The following CTPS2 variants were observed in gnomAD, a reference collection of about 807,000 sequenced individuals.
CTPS2 encodes CTP synthase 2.
A neutral mutation model predicts 46.8 loss-of-function variants in CTPS2; 19 were observed. The observed-to-expected ratio is 0.41, with a 90% CI of 0.28 to 0.60. The LOEUF (loss-of-function observed/expected upper bound fraction) is 0.60. Among genes scored for constraint, CTPS2 ranks in the 20% least tolerant of loss-of-function variants. The pLI is 0.35. For missense variants in CTPS2, 286 were observed against 447.6 expected, an observed-to-expected ratio of 0.64 and a Z score of 3.26; for synonymous variants, 151 against 165.2, an observed-to-expected ratio of 0.91 and a Z score of 0.66.
At chrX:16,698,797 G>T in intron 3 of CTPS2, 126 bp downstream of exon 3, 1 of 559,294 alleles carries the variant, frequency 1.8e-6, no homozygotes, top group African/African-American at 2.4e-5. Flanking sequence ...GTGATCCACT[G>T]GCCTCAGCCT....
At chrX:16,684,184 T>A (rs1448736712) in intron 8 of CTPS2, among the ~76,000 whole-genome samples, 2 of 111,224 alleles carry the variant, frequency 1.8e-5, no homozygotes, top group Non-Finnish European at 3.8e-5. Context: ...AATGTTACCA[T>A]GATGACGAAT....
At chrX:16,682,691 G>T (rs752046326) in intron 9 of CTPS2, among the ~76,000 whole-genome samples, 1 of 111,586 alleles carries the variant, frequency 9.0e-6, no homozygotes, top group South Asian at 3.7e-4. Flanking sequence ...CCTTCTGGGA[G>T]GCTGGCATTT....
At chrX:16,649,341 T>C (rs1240744623) in intron 13 of CTPS2, among the ~76,000 whole-genome samples, 1 of 112,689 alleles carries the variant, frequency 8.9e-6, no homozygotes, top group Admixed American at 9.4e-5. Flanking sequence ...GAGTATCTTC[T>C]TTCCACTTCT....
At chrX:16,709,277 A>T (rs1925264556) in intron 1 of CTPS2, among the ~76,000 whole-genome samples, 4 of 109,431 alleles carry the variant, frequency 3.7e-5, no homozygotes, top group African/African-American at 1.0e-4. Context: ...AAATACAAAA[A>T]ATCAGCCAGG....
At chrX:16,606,469 G>C (rs1397499334) in intron 17 of CTPS2, among the ~76,000 whole-genome samples, 1 of 111,826 alleles carries the variant, frequency 8.9e-6, no homozygotes, top group African/African-American at 3.3e-5. Context: ...AATGTGTCAA[G>C]ATTTGACTCC....
intron 13 of CTPS2, among the ~76,000 whole-genome samples, chrX:16,650,419 T>C (rs1287783720): frequency 9.0e-6 from 1 of 110,788 alleles, no homozygotes; most frequent in African/African-American, 3.3e-5. Flanking sequence ...GTGTAGAATG[T>C]CATTAATTAC....
intron 17 of CTPS2, among the ~76,000 whole-genome samples, chrX:16,592,770 C>A (rs910745093): frequency 8.9e-6 from 1 of 112,121 alleles, no homozygotes; most frequent in African/African-American, 3.2e-5. Context: ...CCAACATTCT[C>A]ATAGGTCCAA....
intron 17 of CTPS2, among the ~76,000 whole-genome samples, chrX:16,591,773 G>A (rs183301675): frequency 2.9e-4 from 32 of 111,071 alleles, no homozygotes; most frequent in African/African-American, 9.2e-4. Flanking sequence ...TCTCCAAGCA[G>A]GTCAAAAGGC....
At chrX:16,605,312 C>T (rs73448238) in intron 17 of CTPS2, among the ~76,000 whole-genome samples, 2,846 of 111,828 alleles carry the variant, frequency 0.025, 99 homozygotes, top group African/African-American at 0.087. Flanking sequence ...GCGAACTCGA[C>T]GTGACTTATC....
chrX:16,595,365 G>A (rs1159191177), intron 17 of CTPS2, among the ~76,000 whole-genome samples: 1 of 111,368 alleles, frequency 9.0e-6, no homozygotes, highest in African/African-American at 3.3e-5. Context: ...AGGCTGGAGT[G>A]CAGTGATTTG....
At position 16,690,910 on chromosome X, in the gene CTPS2, T is replaced by C. The variant is rs181605424; in HGVS notation, c.720+630A>G. On this transcript the variant is annotated intron_variant, in intron 7 of 18. Coordinates refer to ENST00000359276, the MANE Select transcript of CTPS2 (RefSeq NM_175859.3). ...TTGGGGTGACTTAAGCTGCCACAGG[T>C]AGAGAGGAGAAATGAGTGAAAGCAG... 3.6e-5 allele frequency among the ~76,000 whole-genome samples: 4 copies of C among 111,763 alleles called. No homozygotes were observed. The East Asian group carries it at 1.1e-3, about 32-fold the overall frequency.
intron 14 of CTPS2, among the ~76,000 whole-genome samples, chrX:16,634,590 G>T (rs1432294945): frequency 8.9e-6 from 1 of 112,234 alleles, no homozygotes; most frequent in Non-Finnish European, 1.9e-5. Context: ...TGAATTCATA[G>T]TTTTCATAAC....
Position 16,691,520 on chromosome X carries a change from A to C in CTPS2, c.720+20T>G. On this transcript the variant is annotated intron_variant, in intron 7 of 18. Coordinates refer to ENST00000359276, the MANE Select transcript of CTPS2 (RefSeq NM_175859.3). ...GCAGAAGTGCCTGCCAGACAATAAA[A>C]TCTAAAGAGCAGCACCAACCTGTTC... is the stretch of plus-strand genomic sequence containing the variant. The C allele has an allele frequency of 8.5e-7, 1 of 1,182,796 alleles. No individual in the cohort carries two copies. Among genetic ancestry groups the C allele is most frequent in the Non-Finnish European group, 1.2e-6 (1 of 869,400 alleles).
intron 13 of CTPS2, among the ~76,000 whole-genome samples, chrX:16,662,902 C>T (rs1161171200): frequency 1.8e-5 from 2 of 111,365 alleles, no homozygotes; most frequent in African/African-American, 3.3e-5. Context: ...TTCTAGGAAT[C>T]TATCCCTGCA....
chrX:16,650,512 T>C lies in CTPS2; in HGVS notation c.1297-11269A>G, dbSNP rs1479022643. Among the ~76,000 whole-genome samples the C allele has an allele frequency of 4.3e-5, 3 of 70,293 alleles. No individual in the cohort carries two copies. The East Asian group carries it at 1.2e-3, about 29-fold the overall frequency. The allele number at this position is 70,293 out of a possible 115,157, so 61.0% of individuals were successfully genotyped here. ...CATTTAACATACTATCTAAGATGTCTTTTTTTTTTTTTTTTTTTTTTTGCA... is the reference window on the plus strand; with the variant it reads ...CATTTAACATACTATCTAAGATGTCCTTTTTTTTTTTTTTTTTTTTTTGCA... On this transcript the variant is annotated intron_variant, in intron 13 of 18. Coordinates refer to ENST00000359276, the MANE Select transcript of CTPS2 (RefSeq NM_175859.3).
chrX:16,684,990 C>T (rs1376289984), intron 8 of CTPS2, among the ~76,000 whole-genome samples: 2 of 111,118 alleles, frequency 1.8e-5, no homozygotes, highest in Non-Finnish European at 3.8e-5. Context: ...ACTCAGGAGA[C>T]TGAGGAAGGA....
intron 13 of CTPS2, among the ~76,000 whole-genome samples, chrX:16,653,122 A>T (rs1932727145): frequency 9.0e-6 from 1 of 110,592 alleles, no homozygotes; most frequent in South Asian, 3.8e-4. Context: ...ATATATATAT[A>T]ATATAGTCTA....
At chrX:16,597,021 G>A (rs763130386) in intron 17 of CTPS2, among the ~76,000 whole-genome samples, 22 of 107,478 alleles carry the variant, frequency 2.0e-4, no homozygotes, top group Non-Finnish European at 4.0e-4. Flanking sequence ...CATGTCCTTC[G>A]CCCACTTTTT....
At chrX:16,595,162 T>TACAC (rs10643985) in intron 17 of CTPS2, among the ~76,000 whole-genome samples, 21,365 of 102,508 alleles carry the variant, frequency 0.21, 1,853 homozygotes, top group Middle Eastern at 0.26. Flanking sequence ...AGCAATCTTT[T>TACAC]ACACACACAC....
Sources: allele counts gnomAD v4.1 joint callset (sites outside exome capture counted in the v4.1 genomes callset), GRCh38; gene constraint gnomAD v4.1.1; transcripts MANE v1.5; gene names NCBI Gene and HGNC (gene_info 2026-07-23, HGNC 2026-07-21).